The following TNPO1 variants were observed in gnomAD, a reference collection of about 807,000 sequenced individuals.
The protein encoded by TNPO1 is transportin 1.
In TNPO1, 8 loss-of-function variants were observed where a neutral mutation model predicts 119.5. The ratio of observed to expected loss-of-function variants is 0.07; its 90% confidence interval spans 0.04 to 0.12. TNPO1 has a LOEUF of 0.12. Among genes scored for constraint, TNPO1 ranks in the 10% least tolerant of loss-of-function variants. The probability of loss-of-function intolerance (pLI) is 1.00; values close to 1 mark genes in which losing one functional copy is unlikely to be tolerated. For missense variants in TNPO1, 576 were observed against 1,089.8 expected, an observed-to-expected ratio of 0.53 and a Z score of 6.64; for synonymous variants, 362 against 363.0, an observed-to-expected ratio of 1.00 and a Z score of 0.03.
chr5:72,827,983 A>G (rs907770517), intron 1 of TNPO1, among the ~76,000 whole-genome samples: 2 of 152,070 alleles, frequency 1.3e-5, no homozygotes, highest in Non-Finnish European at 2.9e-5. Context: ...ACAAACAAGC[A>G]GATATGTCTT....
chr5:72,897,697 G>T (rs1749533657), intron 20 of TNPO1, among the ~76,000 whole-genome samples: 1 of 150,678 alleles, frequency 6.6e-6, no homozygotes, highest in South Asian at 2.1e-4. Context: ...TTATATTAAA[G>T]AGTACCTTCC....
chr5:72,828,515 A>G (rs1744304105), intron 1 of TNPO1, among the ~76,000 whole-genome samples: 1 of 152,214 alleles, frequency 6.6e-6, no homozygotes, highest in South Asian at 2.1e-4. Context: ...CTGTCTCTAC[A>G]CACACATACA....
At chr5:72,901,175 G>A in intron 22 of TNPO1, 102 bp downstream of exon 22, 3 of 691,104 alleles carry the variant, frequency 4.3e-6, no homozygotes, top group East Asian at 3.1e-5. Context: ...TATTTTCAAA[G>A]GTATCAAAAT....
chr5:72,817,194 C>T (rs1462699567), intron 1 of TNPO1, among the ~76,000 whole-genome samples: 1 of 152,236 alleles, frequency 6.6e-6, no homozygotes, highest in Non-Finnish European at 1.5e-5. Context: ...TTTGTCCCGC[C>T]CTGGGCCCCT....
chr5:72,854,818 A>G (rs1359930629), intron 3 of TNPO1, among the ~76,000 whole-genome samples: 2 of 152,014 alleles, frequency 1.3e-5, no homozygotes, highest in African/African-American at 4.8e-5. Context: ...TTTTAAGAAA[A>G]CTCTTTTTAA....
At chr5:72,834,408 A>T (rs1744603706) in intron 1 of TNPO1, among the ~76,000 whole-genome samples, 1 of 152,180 alleles carries the variant, frequency 6.6e-6, no homozygotes, top group African/African-American at 2.4e-5. Context: ...GCTGCTGAAG[A>T]CCTTCCAGTG....
rs149437731 is a variant in TNPO1, at chr5:72,889,855, C to T, written c.1599C>T (p.Thr533=). ...LVPYLAYILD[T]LVFAFSKYQH... is the part of the protein sequence containing the mutation. ...CTTACCTTGCTTATATACTTGATAC[C>T]CTGGTCTTTGCATTTAGTAAATACC... Residue 533 remains threonine (T), a synonymous_variant, in exon 14 of 25, where the codon ACC becomes ACT. Coordinates refer to ENST00000337273, the MANE Select transcript of TNPO1 (RefSeq NM_002270.4). The T allele has an allele frequency of 1.7e-4, 279 of 1,613,282 alleles. 3 individuals are homozygous for T. The African/African-American group carries it at 3.4e-3, about 20-fold the overall frequency.
At chr5:72,860,954 C>T (rs1746398271) in intron 4 of TNPO1, among the ~76,000 whole-genome samples, 2 of 151,682 alleles carry the variant, frequency 1.3e-5, no homozygotes, top group South Asian at 4.2e-4. Context: ...TTCTTGTTGC[C>T]CAGACTGGAG....
intron 9 of TNPO1, among the ~76,000 whole-genome samples, chr5:72,881,966 A>G (rs953567272): frequency 1.3e-5 from 2 of 152,178 alleles, no homozygotes; most frequent in African/African-American, 4.8e-5. Flanking sequence ...TACTGTCTTC[A>G]CTTCTTTAAC....
At chr5:72,816,992 G>T in intron 1 of TNPO1, 1 of 490,596 alleles carries the variant, frequency 2.0e-6, no homozygotes, top group East Asian at 3.5e-5. Flanking sequence ...AAGCGTCCGA[G>T]GATCCCGTTA....
chr5:72,851,826 A>G (rs1355342999), intron 3 of TNPO1, among the ~76,000 whole-genome samples: 1 of 152,180 alleles, frequency 6.6e-6, no homozygotes, highest in Non-Finnish European at 1.5e-5. Flanking sequence ...TTTGTATAAT[A>G]AGTTACTTAA....
At chr5:72,836,084 C>T (rs1163982800) in intron 1 of TNPO1, among the ~76,000 whole-genome samples, 1 of 152,252 alleles carries the variant, frequency 6.6e-6, no homozygotes, top group Non-Finnish European at 1.5e-5. Context: ...AGTTAGTCTA[C>T]TGCCTGTGGT....
At chr5:72,890,126 G>A (rs986616679) in intron 14 of TNPO1, among the ~76,000 whole-genome samples, 169 bp downstream of exon 14, 21 of 152,102 alleles carry the variant, frequency 1.4e-4, no homozygotes, top group Non-Finnish European at 4.4e-5. Flanking sequence ...CCTTTCATGT[G>A]GTATTCTTAA....
chr5:72,903,592 A>G lies in TNPO1; in HGVS notation c.2515-117A>G, dbSNP rs577248376. 3 of 669,494 alleles carry G rather than the reference A, an allele frequency of 4.5e-6. No homozygotes were observed. The South Asian group carries it at 6.4e-5, about 14-fold the overall frequency. 41.5% of individuals were successfully genotyped at this position (669,494 alleles called of 1,614,324 possible). Reference sequence around the variant, plus strand: ...CCTTATGATCATAGTTAATTTTTAAATGTTTCCTTTTTTAAGCTAGATTCT... The same window carrying G: ...CCTTATGATCATAGTTAATTTTTAAGTGTTTCCTTTTTTAAGCTAGATTCT... On this transcript the variant is annotated intron_variant, in intron 22 of 24. Transcript: ENST00000337273.
At chr5:72,887,251 A>T (rs763067248) in intron 12 of TNPO1, 29 bp downstream of exon 12, 1 of 1,182,608 alleles carries the variant, frequency 8.5e-7, no homozygotes, top group East Asian at 5.5e-5. Flanking sequence ...TGAATTATGT[A>T]AGTTGGCTTC....
intron 1 of TNPO1, among the ~76,000 whole-genome samples, chr5:72,837,965 A>G (rs955921302): frequency 5.9e-5 from 9 of 152,188 alleles, no homozygotes; most frequent in African/African-American, 2.2e-4. Flanking sequence ...TCCCTTTCAA[A>G]AGTTTTTTCT....
intron 4 of TNPO1, among the ~76,000 whole-genome samples, chr5:72,860,320 A>G (rs150659968): frequency 2.0e-5 from 3 of 152,322 alleles, no homozygotes; most frequent in African/African-American, 7.2e-5. Context: ...GCAGCTTAGA[A>G]TGCATATAAT....
At chr5:72,851,209 C>A in intron 2 of TNPO1, 35 bp from the exon 3 acceptor site, 1 of 1,269,448 alleles carries the variant, frequency 7.9e-7, no homozygotes, top group Non-Finnish European at 1.1e-6. Context: ...CCTGAGATTA[C>A]ACAGAGAAGT....
intron 24 of TNPO1, among the ~76,000 whole-genome samples, chr5:72,907,765 A>G (rs1209501883): frequency 6.6e-6 from 1 of 152,142 alleles, no homozygotes; most frequent in African/African-American, 2.4e-5. Flanking sequence ...AAGTGTAGGC[A>G]GGGTGTGATG....
Sources: gnomAD v4.1 joint callset for allele counts (sites outside exome capture counted in the v4.1 genomes callset) on GRCh38, gnomAD v4.1.1 for gene constraint, MANE v1.5 for transcripts, NCBI Gene and HGNC (gene_info 2026-07-23, HGNC 2026-07-21) for gene names.